The following C12orf76 variants were observed in gnomAD, a reference collection of about 807,000 sequenced individuals.
C12orf76 encodes chromosome 12 open reading frame 76.
A neutral mutation model predicts 6.8 loss-of-function variants in C12orf76; 6 were observed. The observed-to-expected ratio is 0.88, with a 90% CI of 0.48 to 1.73. The LOEUF (loss-of-function observed/expected upper bound fraction) is 1.73, where lower values mean the gene tolerates loss of function less well. C12orf76 is among the 40% of genes most tolerant of loss of function. The pLI is 0.01. For missense variants in C12orf76, 99 were observed against 98.2 expected (o/e 1.01, Z -0.03); for synonymous variants, 56 against 43.7 (o/e 1.28, Z -1.11).
At chr12:110,069,434 C>G (rs990293057), upstream of C12orf76, among the ~76,000 whole-genome samples, 2 of 152,140 alleles carry the variant, frequency 1.3e-5, no homozygotes, top group Admixed American at 6.6e-5. Flanking sequence ...AGCGAGACTC[C>G]GTCTCAAAAC....
intron 2 of C12orf76, among the ~76,000 whole-genome samples, chr12:110,060,348 C>T (rs1236159787): frequency 2.6e-5 from 4 of 152,184 alleles, no homozygotes; most frequent in Non-Finnish European, 4.4e-5. Context: ...TTCACTCCTC[C>T]GCCCACTCCA....
At chr12:110,048,216 G>T in intron 1 of C12orf76, 147 bp downstream of exon 1, 1 of 1,030,776 alleles carries the variant, frequency 9.7e-7, no homozygotes, top group Non-Finnish European at 1.3e-6. Context: ...GAGTCTCGGG[G>T]CCCCCTGAGG....
At chr12:110,067,843 A>G (rs1026960374), upstream of C12orf76, 1 of 152,182 alleles carries the variant, frequency 6.6e-6, no homozygotes, top group Admixed American at 6.5e-5. Flanking sequence ...GAGCATCAGG[A>G]AAGACTTGTT....
chr12:110,059,120 G>A, exon 3 of C12orf76: 1 of 1,550,328 alleles, frequency 6.5e-7, no homozygotes, highest in Non-Finnish European at 8.7e-7. Context: ...AAATGCTATG[G>A]TAAATGGAAT....
At chr12:110,045,358 C>T (rs755703934) in intron 1 of C12orf76, among the ~76,000 whole-genome samples, 77 of 152,222 alleles carry the variant, frequency 5.1e-4, no homozygotes, top group Non-Finnish European at 8.8e-4. Context: ...GAGGCCAAGG[C>T]GGGCGGATCA....
rs975906845 is a variant in C12orf76 at position 110,066,010 on chromosome 12, C to T, written n.230G>A. ...ACTGGGTCATCTCTGACCTTCTGACCTCCCCCTCAAGCTCTCACATCACCT... is the reference window on the plus strand; with the variant it reads ...ACTGGGTCATCTCTGACCTTCTGACTTCCCCCTCAAGCTCTCACATCACCT... On this transcript the variant is annotated non_coding_transcript_exon_variant, in exon 2 of 5. Coordinates refer to the C12orf76 transcript ENST00000309050. 5.0e-6 allele frequency: 8 copies of T among 1,602,814 alleles called. No individual in the cohort carries two copies. The African/African-American group carries it at 1.1e-4, about 21-fold the overall frequency.
chr12:110,059,104 T>G, exon 3 of C12orf76: 1 of 1,551,632 alleles, frequency 6.4e-7, no homozygotes, highest in East Asian at 2.4e-5. Context: ...CAGCCTCAGC[T>G]CTCTTAAATG....
intron 1 of C12orf76, among the ~76,000 whole-genome samples, chr12:110,045,583 AAAAAAAT>A (rs151058302): frequency 0.026 from 4,003 of 152,132 alleles, 118 homozygotes; most frequent in African/African-American, 0.069. Flanking sequence ...ACTCCATCTC[AAAAAAAT>A]AAAAAATAAA....
chr12:110,067,837 A>C (rs1002474739), upstream of C12orf76: 2 of 152,214 alleles, frequency 1.3e-5, no homozygotes, highest in African/African-American at 4.8e-5. Context: ...CTAACAGAGC[A>C]TCAGGAAAGA....
chr12:110,068,237 GAAGAAGAAGA>G (rs1347047590), upstream of C12orf76, among the ~76,000 whole-genome samples: 19 of 137,994 alleles, frequency 1.4e-4, no homozygotes, highest in African/African-American at 5.0e-4. Context: ...GAGAAGAGAA[GAAGAAGAAGA>G]AAGAAGAAGA....
chr12:110,061,109 A>G (rs1335447675), intron 2 of C12orf76, among the ~76,000 whole-genome samples: 17 of 150,732 alleles, frequency 1.1e-4, no homozygotes, highest in Non-Finnish European at 2.5e-4. Flanking sequence ...AAAGAAACCT[A>G]CATCTCAGCT....
chr12:110,047,246 C>T (rs369967812), intron 1 of C12orf76, among the ~76,000 whole-genome samples: 98 of 152,248 alleles, frequency 6.4e-4, no homozygotes, highest in South Asian at 2.7e-3. Context: ...CACATATTTA[C>T]GCAGCGTGTG....
At chr12:110,069,246 C>T (rs1250447975), upstream of C12orf76, among the ~76,000 whole-genome samples, 2 of 152,114 alleles carry the variant, frequency 1.3e-5, no homozygotes. Flanking sequence ...CGTGACCATC[C>T]TGGCTATCAT....
rs1892824807 is a variant in C12orf76 at position 110,064,300 on chromosome 12, T to C, written n.380+1560A>G. On this transcript the variant is annotated intron_variant and non_coding_transcript_variant, in intron 2 of 4. Transcript: ENST00000309050. ...TTTGGAAAGCTTGGGTCTCATACTGTGTCCTAGCTGCAAGGGAACCTGGGA... is the reference window on the plus strand; with the variant it reads ...TTTGGAAAGCTTGGGTCTCATACTGCGTCCTAGCTGCAAGGGAACCTGGGA... Among the ~76,000 whole-genome samples, 3 of 152,236 alleles carry C rather than the reference T, an allele frequency of 2.0e-5. No homozygotes were observed. In the South Asian group the frequency reaches 6.2e-4, roughly 31 times the overall value.
intron 4 of C12orf76, among the ~76,000 whole-genome samples, chr12:110,055,306 T>C (rs74969418): frequency 6.6e-6 from 1 of 150,762 alleles, no homozygotes; most frequent in South Asian, 2.1e-4. Context: ...CTCCATCTCC[T>C]GGGTTCAAGC....
At chr12:110,051,922 T>G (rs1892582491), upstream of C12orf76, among the ~76,000 whole-genome samples, 1 of 133,996 alleles carries the variant, frequency 7.5e-6, no homozygotes, top group Non-Finnish European at 1.6e-5. Context: ...TTTTTTTTTT[T>G]TTTTTTTGAG....
chr12:110,072,958 A>G (rs1461388371), intron 1 of C12orf76, among the ~76,000 whole-genome samples: 1 of 151,898 alleles, frequency 6.6e-6, no homozygotes, highest in African/African-American at 2.4e-5. Context: ...CAAAAAAAAA[A>G]AAAGAAAAAA....
At chr12:110,062,868 C>T (rs1892796500) in intron 2 of C12orf76, among the ~76,000 whole-genome samples, 1 of 146,364 alleles carries the variant, frequency 6.8e-6, no homozygotes, top group East Asian at 2.0e-4. Context: ...GTCTCAAACT[C>T]CTGGGCTCAA....
At chr12:110,066,192 C>T (rs564583405) in intron 1 of C12orf76, among the ~76,000 whole-genome samples, 37 of 149,866 alleles carry the variant, frequency 2.5e-4, no homozygotes, top group Non-Finnish European at 4.4e-4. Flanking sequence ...GCCAACATGG[C>T]GAAGCCCTAT....
Sources: gnomAD v4.1 joint callset for allele counts (sites outside exome capture counted in the v4.1 genomes callset) on GRCh38, gnomAD v4.1.1 for gene constraint, MANE v1.5 for transcripts, NCBI Gene and HGNC (gene_info 2026-07-23, HGNC 2026-07-21) for gene names.